Variants in SNAP25 observed in about 807,000 individuals in gnomAD.
SNAP25 encodes the protein synaptosomal-associated protein 25.
In SNAP25, 3 loss-of-function variants were observed where a neutral mutation model predicts 28.7. The observed-to-expected ratio is 0.10, with a 90% CI of 0.05 to 0.27. SNAP25 has a LOEUF of 0.27. Ranked by LOEUF, SNAP25 falls within the 10% of genes least tolerant of loss-of-function variation. The probability of loss-of-function intolerance (pLI) is 1.00; values close to 1 mark genes in which losing one functional copy is unlikely to be tolerated. For missense variants in SNAP25, 117 were observed against 278.7 expected, an observed-to-expected ratio of 0.42 and a Z score of 4.13; for synonymous variants, 61 against 88.1, an observed-to-expected ratio of 0.69 and a Z score of 1.72.
chr20:10,230,609 T>G (rs1299027985), intron 1 of SNAP25, among the ~76,000 whole-genome samples: 4 of 152,142 alleles, frequency 2.6e-5, no homozygotes, highest in Non-Finnish European at 5.9e-5. Context: ...GTTTTAATCA[T>G]CTCCAGGTGA....
intron 1 of SNAP25, among the ~76,000 whole-genome samples, chr20:10,249,833 G>A (rs1262830446): frequency 6.6e-6 from 1 of 152,110 alleles, no homozygotes; most frequent in Admixed American, 6.6e-5. Context: ...GCTTCCCAAG[G>A]AGAACAGCTA....
At chr20:10,262,295 G>A (rs1317650293) in intron 1 of SNAP25, among the ~76,000 whole-genome samples, 1 of 152,148 alleles carries the variant, frequency 6.6e-6, no homozygotes, top group African/African-American at 2.4e-5. Context: ...GCCATTTCAA[G>A]GATACCTTAA....
intron 1 of SNAP25, among the ~76,000 whole-genome samples, chr20:10,221,832 C>T (rs1415343601): frequency 6.6e-6 from 1 of 152,234 alleles, no homozygotes; most frequent in African/African-American, 2.4e-5. Context: ...CGTAAGCAGT[C>T]AGCCTTCAGC....
intron 1 of SNAP25, among the ~76,000 whole-genome samples, chr20:10,222,238 A>T (rs1425356336): frequency 6.6e-6 from 1 of 152,278 alleles, no homozygotes; most frequent in Non-Finnish European, 1.5e-5. Flanking sequence ...ATAAAACCAG[A>T]ATTAAATGCA....
At chr20:10,230,028 G>A (rs918017316) in intron 1 of SNAP25, among the ~76,000 whole-genome samples, 11 of 152,140 alleles carry the variant, frequency 7.2e-5, no homozygotes, top group African/African-American at 2.7e-4. Flanking sequence ...AGAAATGTGT[G>A]TAGTCAGACA....
chr20:10,260,718 C>CAA (rs1455473373), intron 1 of SNAP25, among the ~76,000 whole-genome samples: 21 of 113,970 alleles, frequency 1.8e-4, no homozygotes, highest in African/African-American at 5.5e-4. Context: ...CACACACACA[C>CAA]ACACAAACAC....
rs747289588 is a variant in SNAP25 at position 10,306,216 on chromosome 20, T to C, written c.*19T>C. The C allele has an allele frequency of 4.3e-6, 7 of 1,612,114 alleles. No homozygotes were observed. The highest frequency in any genetic ancestry group is 5.1e-6 in the Non-Finnish European group (6 of 1,178,966). On this transcript the variant is annotated 3_prime_UTR_variant, in exon 8 of 8. Coordinates refer to ENST00000254976, the MANE Select transcript of SNAP25 (RefSeq NM_130811.4). ...TGGTTAAGTGTGCCCACCCGTGTTC[T>C]CCTCCAAATGCTGTCGGGCAAGATA...
At chr20:10,262,507 G>C (rs944353889) in intron 1 of SNAP25, among the ~76,000 whole-genome samples, 3 of 152,072 alleles carry the variant, frequency 2.0e-5, no homozygotes, top group Non-Finnish European at 4.4e-5. Flanking sequence ...GAGAATTTTT[G>C]TTCTTTTTCC....
chr20:10,263,429 CA>C (rs1033294038), intron 1 of SNAP25, among the ~76,000 whole-genome samples: 4 of 152,110 alleles, frequency 2.6e-5, no homozygotes, highest in African/African-American at 9.7e-5. Context: ...CTACTGAAGG[CA>C]AAACTGTTAC....
intron 1 of SNAP25, among the ~76,000 whole-genome samples, chr20:10,251,878 A>G (rs1292734064): frequency 6.6e-6 from 1 of 152,264 alleles, no homozygotes; most frequent in Admixed American, 6.5e-5. Flanking sequence ...AGGAAATCTC[A>G]AATCTGGGGA....
rs753330896 is a variant in SNAP25 at position 10,275,552 on chromosome 20, T to C, written c.61T>C (p.Leu21=). ...GGAGATGCAGCGAAGGGCTGACCAG[T>C]TGGCTGATGAGGTAAGGAGTGGAGA... ...LEEMQRRADQ[L]ADESLESTRR... The change falls in exon 2 of 8, where the codon TTG becomes CTG. Residue 21 remains leucine (L), a synonymous_variant. Transcript: ENST00000254976. 5.0e-6 allele frequency: 8 copies of C among 1,599,266 alleles called. No homozygotes were observed. The highest frequency in any genetic ancestry group is 6.8e-6 in the Non-Finnish European group (8 of 1,171,898).
intron 1 of SNAP25, among the ~76,000 whole-genome samples, chr20:10,237,109 C>T (rs1051487902): frequency 1.3e-5 from 2 of 152,016 alleles, no homozygotes; most frequent in Non-Finnish European, 2.9e-5. Context: ...TCCTAGGAAG[C>T]GCTGATGGGG....
intron 1 of SNAP25, among the ~76,000 whole-genome samples, chr20:10,232,864 C>A (rs1306268842): frequency 6.6e-6 from 1 of 152,186 alleles, no homozygotes; most frequent in Non-Finnish European, 1.5e-5. Flanking sequence ...GAGACCAAAT[C>A]ATCTGTGGGC....
At chr20:10,239,897 C>T (rs1178843526) in intron 1 of SNAP25, among the ~76,000 whole-genome samples, 2 of 152,140 alleles carry the variant, frequency 1.3e-5, no homozygotes, top group Admixed American at 6.5e-5. Context: ...CCTACAGGGG[C>T]CTTTCTGGAA....
intron 1 of SNAP25, among the ~76,000 whole-genome samples, chr20:10,263,130 T>G (rs1369196647): frequency 1.3e-5 from 2 of 148,776 alleles, no homozygotes; most frequent in African/African-American, 4.9e-5. Flanking sequence ...GTCATTCTCC[T>G]GCCTCAGCCA....
intron 7 of SNAP25, among the ~76,000 whole-genome samples, chr20:10,302,439 G>A (rs1238080130): frequency 2.0e-5 from 3 of 152,156 alleles, no homozygotes; most frequent in African/African-American, 2.4e-5. Context: ...AGGATAGTAA[G>A]AGAACTGTTC....
Position 10,306,497 on chromosome 20 carries a change from A to T in SNAP25, c.*300A>T. 3.6e-6 allele frequency: 1 copy of T among 278,382 alleles called. No individual in the cohort carries two copies. The highest frequency in any genetic ancestry group is 6.8e-6 in the Non-Finnish European group (1 of 147,014). The allele number at this position is 278,382 out of a possible 1,614,324, so 17.2% of individuals were successfully genotyped here. ...GGCATTTGCTGAATAACAACAATTT[A>T]GGAATGCTCAATGTGCTGTTGATTC... On this transcript the variant is annotated 3_prime_UTR_variant, in exon 8 of 8. Transcript: ENST00000254976.
chr20:10,222,200 A>T (rs969017262), intron 1 of SNAP25, among the ~76,000 whole-genome samples: 1 of 152,266 alleles, frequency 6.6e-6, no homozygotes, highest in Admixed American at 6.5e-5. Flanking sequence ...AGCAATCTTA[A>T]TAAAAGCAAT....
intron 1 of SNAP25, among the ~76,000 whole-genome samples, chr20:10,262,930 T>TG (rs1417881418): frequency 1.5e-5 from 2 of 136,222 alleles, no homozygotes; most frequent in Admixed American, 7.6e-5. Context: ...GGGTGGGCGG[T>TG]GGGGGGAGTA....
Sources: gnomAD v4.1 joint callset for allele counts (sites outside exome capture counted in the v4.1 genomes callset) on GRCh38, gnomAD v4.1.1 for gene constraint, MANE v1.5 for transcripts, NCBI Gene and HGNC (gene_info 2026-07-23, HGNC 2026-07-21) for gene names.